Variants in RIMS1 observed in about 807,000 individuals in gnomAD.
RIMS1 encodes the protein regulating synaptic membrane exocytosis protein 1.
RIMS1 carries 83 observed loss-of-function variants against 214.1 expected under a neutral mutation model. The observed-to-expected ratio is 0.39, with a 90% CI of 0.32 to 0.47. The LOEUF (loss-of-function observed/expected upper bound fraction) is 0.47. RIMS1 is among the 20% of genes least tolerant of loss of function. The pLI is 0.99. For missense variants in RIMS1, 2,050 were observed against 2,161.8 expected (o/e 0.95, Z 1.03); for synonymous variants, 793 against 786.8 (o/e 1.01, Z -0.13).
At position 71,959,530 on chromosome 6, in the gene RIMS1, T is replaced by C. The variant is rs149392463; in HGVS notation, c.165-9453T>C. Among the ~76,000 whole-genome samples the C allele has an allele frequency of 1.8e-3, 274 of 152,206 alleles. 2 individuals are homozygous for C. Among genetic ancestry groups the C allele is most frequent in the African/African-American group, 6.4e-3 (266 of 41,558 alleles). ...CAAATAGAAAACAGAAAACTCATAG[T>C]TGTAAAATAGCTCTGGCAATTATCC... is the stretch of plus-strand genomic sequence containing the variant. On this transcript the variant is annotated intron_variant, in intron 1 of 33. Coordinates refer to ENST00000521978, the MANE Select transcript of RIMS1 (RefSeq NM_014989.7).
chr6:72,101,990 TATG>T (rs989812934), intron 4 of RIMS1, among the ~76,000 whole-genome samples: 1 of 151,934 alleles, frequency 6.6e-6, no homozygotes, highest in African/African-American at 2.4e-5. Flanking sequence ...TTGGCAAAAT[TATG>T]ATTATATTTT....
At chr6:71,900,365 C>T (rs766203304) in intron 1 of RIMS1, among the ~76,000 whole-genome samples, 3 of 152,026 alleles carry the variant, frequency 2.0e-5, no homozygotes, top group Non-Finnish European at 4.4e-5. Flanking sequence ...CCCACCAGGT[C>T]ATGTTTTAGA....
intron 2 of RIMS1, among the ~76,000 whole-genome samples, chr6:71,982,057 T>C (rs1173624191): frequency 6.6e-6 from 1 of 152,098 alleles, no homozygotes; most frequent in Non-Finnish European, 1.5e-5. Flanking sequence ...ACCAAGCCGC[T>C]AAACATTATG....
chr6:71,935,163 A>G (rs1784101831), intron 1 of RIMS1, among the ~76,000 whole-genome samples: 2 of 152,348 alleles, frequency 1.3e-5, no homozygotes, highest in Admixed American at 6.5e-5. Context: ...ATTAACCTAA[A>G]GAATTAACCC....
intron 2 of RIMS1, among the ~76,000 whole-genome samples, chr6:72,000,954 G>T (rs1330837152): frequency 6.6e-6 from 1 of 151,704 alleles, no homozygotes; most frequent in African/African-American, 2.4e-5. Flanking sequence ...GATACATTAT[G>T]TTGTACATTC....
At chr6:71,968,274 A>G (rs1794964814) in intron 1 of RIMS1, among the ~76,000 whole-genome samples, 1 of 152,210 alleles carries the variant, frequency 6.6e-6, no homozygotes, top group Non-Finnish European at 1.5e-5. Flanking sequence ...TCATGAAAGT[A>G]GGAGTATCTC....
intron 2 of RIMS1, among the ~76,000 whole-genome samples, chr6:72,074,051 A>G (rs1562253784): frequency 6.6e-6 from 1 of 152,160 alleles, no homozygotes. Flanking sequence ...TAATCTGAGA[A>G]GGGATCCATA....
intron 1 of RIMS1, among the ~76,000 whole-genome samples, chr6:71,951,517 TCTCC>T (rs1583334552): frequency 6.9e-6 from 1 of 145,532 alleles, no homozygotes. Context: ...TGTGACAGAG[TCTCC>T]ACTCTGTCAC....
intron 22 of RIMS1, among the ~76,000 whole-genome samples, chr6:72,272,690 G>GCA: frequency 6.6e-6 from 1 of 152,128 alleles, no homozygotes; most frequent in East Asian, 1.9e-4. Flanking sequence ...GCCCTAGGAA[G>GCA]CAAGGTTATT....
chr6:72,173,590 C>G (rs577420126), intron 4 of RIMS1, among the ~76,000 whole-genome samples: 13 of 152,020 alleles, frequency 8.6e-5, no homozygotes, highest in African/African-American at 2.9e-4. Context: ...TTTAAAAGCT[C>G]TTTTAAGGTT....
intron 1 of RIMS1, among the ~76,000 whole-genome samples, chr6:71,948,594 C>T (rs1244779927): frequency 1.3e-5 from 2 of 152,144 alleles, no homozygotes; most frequent in Admixed American, 1.3e-4. Context: ...AGACCAACCT[C>T]ATAAAGATGT....
intron 4 of RIMS1, among the ~76,000 whole-genome samples, chr6:72,124,616 A>G (rs1198094598): frequency 1.3e-5 from 2 of 152,032 alleles, no homozygotes; most frequent in Admixed American, 6.6e-5. Context: ...AGGTACACCA[A>G]TCAAATGAAG....
At chr6:72,048,848 G>A (rs574577404) in intron 2 of RIMS1, among the ~76,000 whole-genome samples, 1 of 152,302 alleles carries the variant, frequency 6.6e-6, no homozygotes, top group South Asian at 2.1e-4. Flanking sequence ...GTCTGTATAA[G>A]CCCTACCATG....
intron 1 of RIMS1, among the ~76,000 whole-genome samples, chr6:71,930,274 A>G (rs1284846982): frequency 2.6e-5 from 4 of 152,098 alleles, no homozygotes; most frequent in Admixed American, 2.6e-4. Context: ...ATTTAGAGAC[A>G]TATTTCAAGA....
chr6:72,030,484 A>T (rs1163572723), intron 2 of RIMS1, among the ~76,000 whole-genome samples: 1 of 152,204 alleles, frequency 6.6e-6, no homozygotes, highest in Non-Finnish European at 1.5e-5. Context: ...GTGTTATGTT[A>T]AAATTTATAA....
intron 27 of RIMS1, among the ~76,000 whole-genome samples, chr6:72,311,274 C>T (rs1266325495): frequency 6.6e-6 from 1 of 152,126 alleles, no homozygotes. Flanking sequence ...ACCAATAATA[C>T]AGGAGTTGTG....
At chr6:72,190,218 C>T (rs2049834069) in intron 6 of RIMS1, among the ~76,000 whole-genome samples, 2 of 152,056 alleles carry the variant, frequency 1.3e-5, no homozygotes, top group South Asian at 4.1e-4. Context: ...AATCCCAGCA[C>T]TTTGGGAGGC....
At chr6:72,269,539 A>G (rs2082062510) in intron 22 of RIMS1, among the ~76,000 whole-genome samples, 1 of 152,176 alleles carries the variant, frequency 6.6e-6, no homozygotes. Flanking sequence ...CAACTTCATT[A>G]TCCCCACTTC....
At chr6:72,121,392 G>T (rs1456437138) in intron 4 of RIMS1, among the ~76,000 whole-genome samples, 3 of 151,742 alleles carry the variant, frequency 2.0e-5, no homozygotes, top group African/African-American at 7.3e-5. Flanking sequence ...GGATTCCTAG[G>T]TGTTTTATTC....
Sources: gnomAD v4.1 joint callset for allele counts (sites outside exome capture counted in the v4.1 genomes callset) on GRCh38, gnomAD v4.1.1 for gene constraint, MANE v1.5 for transcripts, NCBI Gene and HGNC (gene_info 2026-07-23, HGNC 2026-07-21) for gene names.